AGBL1: variants seen among roughly 807,000 people sequenced by gnomAD.
AGBL1 encodes the protein AGBL carboxypeptidase 1, also known as cytosolic carboxypeptidase 4.
In AGBL1, 130 loss-of-function variants were observed where a neutral mutation model predicts 118.9. That is an observed-to-expected ratio of 1.09 (90% CI 0.95 to 1.26). The LOEUF (loss-of-function observed/expected upper bound fraction) is 1.26. AGBL1 is among the 50% of genes most tolerant of loss of function. The probability of loss-of-function intolerance (pLI) is 0.00; values close to 1 mark genes in which losing one functional copy is unlikely to be tolerated. For missense variants in AGBL1, 1,584 were observed against 1,298.1 expected, an observed-to-expected ratio of 1.22 and a Z score of -3.38; for synonymous variants, 555 against 478.9, an observed-to-expected ratio of 1.16 and a Z score of -2.08.
At chr15:86,852,943 G>A (rs543354888) in intron 22 of AGBL1, among the ~76,000 whole-genome samples, 25 of 152,290 alleles carry the variant, frequency 1.6e-4, no homozygotes, top group East Asian at 3.9e-4. Context: ...CTCAGGCTTC[G>A]TTGTTTTTAA....
At chr15:86,167,012 CT>C (rs1567099580) in intron 5 of AGBL1, among the ~76,000 whole-genome samples, 2 of 152,148 alleles carry the variant, frequency 1.3e-5, no homozygotes, top group African/African-American at 4.8e-5. Flanking sequence ...GCTCTAGGAA[CT>C]TTCACTTGCC....
chr15:86,082,242 C>T (rs1895336114), intron 1 of AGBL1, among the ~76,000 whole-genome samples: 1 of 152,242 alleles, frequency 6.6e-6, no homozygotes, highest in Non-Finnish European at 1.5e-5. Context: ...CCCATCCCTG[C>T]TCCCCATGGA....
At position 86,301,882 on chromosome 15, in the gene AGBL1, G is replaced by A. The variant is rs145208734; in HGVS notation, c.2374+6474G>A. Among the ~76,000 whole-genome samples the A allele has an allele frequency of 1.4e-4, 21 of 152,236 alleles. 1 individual carries two copies. The highest frequency in any genetic ancestry group is 1.2e-3 in the Admixed American group (19 of 15,284). ...TGACACAGCTTTGCTTTCAAAGAAA[G>A]CTCAGTTGGCAATCCAAAAACTATT... On this transcript the variant is annotated intron_variant, in intron 17 of 22. Transcript: ENST00000614907.
At chr15:86,534,871 G>A (rs774411629) in intron 19 of AGBL1, among the ~76,000 whole-genome samples, 45 of 152,172 alleles carry the variant, frequency 3.0e-4, no homozygotes, top group Non-Finnish European at 5.7e-4. Context: ...AAATTGAACA[G>A]TGTTTGCCTC....
chr15:86,769,942 G>A (rs2078151050), intron 22 of AGBL1, among the ~76,000 whole-genome samples: 1 of 151,910 alleles, frequency 6.6e-6, no homozygotes, highest in South Asian at 2.1e-4. Context: ...CAAAGGACCA[G>A]TTATATACCA....
At chr15:86,471,125 C>CT (rs1315266167) in intron 18 of AGBL1, among the ~76,000 whole-genome samples, 1 of 152,058 alleles carries the variant, frequency 6.6e-6, no homozygotes, top group African/African-American at 2.4e-5. Flanking sequence ...AAATCTTTCA[C>CT]TTTTTTACCA....
intron 1 of AGBL1, among the ~76,000 whole-genome samples, chr15:86,113,254 T>TTTCTG (rs1897532111): frequency 1.2e-5 from 1 of 86,700 alleles, no homozygotes; most frequent in Non-Finnish European, 2.2e-5. Flanking sequence ...TTTCTTTTCT[T>TTTCTG]TTCTTTCTTT....
intron 17 of AGBL1, among the ~76,000 whole-genome samples, chr15:86,347,497 T>C (rs1485800596): frequency 1.3e-5 from 2 of 152,246 alleles, no homozygotes; most frequent in Non-Finnish European, 2.9e-5. Context: ...GCCTATTTTA[T>C]GCAAGCATTT....
At chr15:86,539,234 T>C (rs570498594) in intron 19 of AGBL1, among the ~76,000 whole-genome samples, 1 of 152,332 alleles carries the variant, frequency 6.6e-6, no homozygotes, top group South Asian at 2.1e-4. Context: ...CCTATGTTCC[T>C]TGCCTTTGCG....
chr15:86,956,898 A>G (rs929035133), intron 23 of AGBL1, among the ~76,000 whole-genome samples: 6 of 152,230 alleles, frequency 3.9e-5, no homozygotes, highest in African/African-American at 1.4e-4. Context: ...AACATGCAGC[A>G]TATAACACTG....
intron 22 of AGBL1, among the ~76,000 whole-genome samples, chr15:86,684,795 A>G (rs2086025307): frequency 6.6e-6 from 1 of 152,128 alleles, no homozygotes; most frequent in South Asian, 2.1e-4. Context: ...AATATCCTGC[A>G]TTTACTCTCA....
chr15:86,428,448 C>A (rs991972971), intron 18 of AGBL1, among the ~76,000 whole-genome samples: 1 of 152,172 alleles, frequency 6.6e-6, no homozygotes, highest in Non-Finnish European at 1.5e-5. Flanking sequence ...GTCTTTTTTT[C>A]TAAATACACG....
chr15:86,213,820 T>G (rs1445392234), intron 5 of AGBL1, among the ~76,000 whole-genome samples: 1 of 152,206 alleles, frequency 6.6e-6, no homozygotes, highest in African/African-American at 2.4e-5. Context: ...AGTCATTAAT[T>G]ATACTCACAA....
At chr15:86,138,428 G>T (rs540781692) in intron 1 of AGBL1, 1 of 152,284 alleles carries the variant, frequency 6.6e-6, no homozygotes, top group East Asian at 1.9e-4. Context: ...GTTTACCTTT[G>T]TCACAGCCCT....
At chr15:86,233,762 C>A (rs12899470) in intron 6 of AGBL1, among the ~76,000 whole-genome samples, 35,418 of 152,138 alleles carry the variant, frequency 0.23, 4,893 homozygotes, top group Middle Eastern at 0.33. Flanking sequence ...TTGTTCTCAT[C>A]CTCCAGCCCT....
intron 18 of AGBL1, among the ~76,000 whole-genome samples, chr15:86,420,260 A>G (rs1199120673): frequency 6.6e-6 from 1 of 152,158 alleles, no homozygotes; most frequent in African/African-American, 2.4e-5. Flanking sequence ...TGAAGCTTCC[A>G]GAGGAAGGAA....
chr15:86,661,852 A>G (rs2085546637), intron 21 of AGBL1, among the ~76,000 whole-genome samples: 2 of 152,168 alleles, frequency 1.3e-5, no homozygotes, highest in Admixed American at 6.5e-5. Context: ...TGTTCTGTGC[A>G]GTTTAACTAG....
intron 18 of AGBL1, among the ~76,000 whole-genome samples, chr15:86,432,439 T>C (rs1432869333): frequency 1.3e-5 from 2 of 152,200 alleles, no homozygotes; most frequent in Non-Finnish European, 2.9e-5. Flanking sequence ...AGGATTGAGC[T>C]AATGTTTTTC....
chr15:86,310,798 G>C (rs2079909139), intron 17 of AGBL1, among the ~76,000 whole-genome samples: 1 of 152,160 alleles, frequency 6.6e-6, no homozygotes, highest in African/African-American at 2.4e-5. Context: ...AGCAAACTGG[G>C]ATGACCATAT....
Sources: gnomAD v4.1 joint callset for allele counts (sites outside exome capture counted in the v4.1 genomes callset) on GRCh38, gnomAD v4.1.1 for gene constraint, MANE v1.5 for transcripts, NCBI Gene and HGNC (gene_info 2026-07-23, HGNC 2026-07-21) for gene names.